The following RLF variants were observed in gnomAD, a reference collection of about 807,000 sequenced individuals.
The protein encoded by RLF is zinc finger protein Rlf.
RLF carries 7 observed loss-of-function variants against 162.9 expected under a neutral mutation model. That is an observed-to-expected ratio of 0.04 (90% CI 0.02 to 0.08). The LOEUF (loss-of-function observed/expected upper bound fraction) is 0.08. Ranked by LOEUF, RLF falls within the 10% of genes least tolerant of loss-of-function variation. RLF has a pLI of 1.00. For missense variants in RLF, 1,664 were observed against 2,244.7 expected (o/e 0.74, Z 5.23); for synonymous variants, 782 against 791.5 (o/e 0.99, Z 0.20).
At chr1:40,233,951 A>G (rs922911833) in intron 7 of RLF, among the ~76,000 whole-genome samples, 5 of 151,990 alleles carry the variant, frequency 3.3e-5, no homozygotes, top group African/African-American at 9.7e-5. Flanking sequence ...TTCAGGCCAA[A>G]TATCTTCTTT....
chr1:40,163,033 AATG>A (rs1162638298), intron 1 of RLF, among the ~76,000 whole-genome samples: 1 of 152,212 alleles, frequency 6.6e-6, no homozygotes, highest in African/African-American at 2.4e-5. Flanking sequence ...CGGTTTTGGT[AATG>A]ATGGAAAAGG....
chr1:40,204,294 C>T (rs1045574685), intron 5 of RLF, among the ~76,000 whole-genome samples: 9 of 151,608 alleles, frequency 5.9e-5, no homozygotes, highest in African/African-American at 1.9e-4. Context: ...GGATTACAGG[C>T]GTGAGCCACT....
Position 40,239,601 on chromosome 1 carries a change from T to A in RLF, c.4899T>A (p.Ser1633Arg). Reference protein sequence around the residue: ...TEHSHSPGDSSAPIQNTDCCH... With the variant: ...TEHSHSPGDSRAPIQNTDCCH... ...ACAGCCATTCCCCGGGTGACAGTAG[T>A]GCACCCATCCAGAACACTGATTGCT... Residue 1633 changes from serine to arginine, a missense_variant, in exon 8 of 8, where the codon AGT (serine) becomes AGA (arginine). Coordinates refer to ENST00000372771, the MANE Select transcript of RLF (RefSeq NM_012421.4). 6.2e-7 allele frequency: 1 copy of A among 1,614,128 alleles called. No homozygotes were observed. Among genetic ancestry groups the A allele is most frequent in the Non-Finnish European group, 8.5e-7 (1 of 1,180,004 alleles).
At chr1:40,224,250 C>T (rs922185185) in intron 6 of RLF, among the ~76,000 whole-genome samples, 6 of 149,450 alleles carry the variant, frequency 4.0e-5, no homozygotes, top group African/African-American at 2.5e-5. Flanking sequence ...AAATCTTAGT[C>T]ATTTCACACT....
intron 7 of RLF, among the ~76,000 whole-genome samples, chr1:40,232,065 G>T (rs879563213): frequency 6.6e-6 from 1 of 151,918 alleles, no homozygotes; most frequent in Admixed American, 6.6e-5. Context: ...AAAATTAGCC[G>T]GGCATGGTGG....
In RLF at chr1:40,161,597, G is replaced by T. The variant is rs1185837932; in HGVS notation, c.198G>T (p.Ser66=). ...LETELREQEV[S]EVSSLNYCRS... The stretch of plus-strand genomic sequence containing the variant: ...CAGAGCTGAGGGAGCAAGAGGTGTC[G>T]GAGGTCTCATCTTTGAACTACTGCC... The change falls in exon 1 of 8, where the codon TCG becomes TCT. Residue 66 remains serine, a synonymous_variant. Transcript: ENST00000372771. This position sits in a 1 kb window ranked among gnomAD's most constrained non-coding sequence, Gnocchi z 4.4. 1 of 1,613,212 alleles carries T rather than the reference G, an allele frequency of 6.2e-7. No individual in the cohort carries two copies. Among genetic ancestry groups the T allele is most frequent in the South Asian group, 1.1e-5 (1 of 90,934 alleles).
At chr1:40,205,037 T>C (rs1393071695) in intron 5 of RLF, among the ~76,000 whole-genome samples, 1 of 152,246 alleles carries the variant, frequency 6.6e-6, no homozygotes, top group Non-Finnish European at 1.5e-5. Context: ...CAATTGATGT[T>C]GTCTCCCTTA....
intron 5 of RLF, among the ~76,000 whole-genome samples, chr1:40,205,838 G>C (rs11590401): frequency 0.052 from 7,893 of 152,178 alleles, 277 homozygotes; most frequent in Non-Finnish European, 0.081. Flanking sequence ...GCCCCTGGCA[G>C]TATACCATAT....
chr1:40,208,021 A>G (rs573771491), intron 5 of RLF, among the ~76,000 whole-genome samples: 23 of 152,200 alleles, frequency 1.5e-4, no homozygotes, highest in Non-Finnish European at 2.8e-4. Flanking sequence ...TTGCATTTCT[A>G]TCAACTAACG....
intron 6 of RLF, among the ~76,000 whole-genome samples, chr1:40,228,613 A>T (rs1256445763): frequency 6.6e-6 from 1 of 151,812 alleles, no homozygotes; most frequent in African/African-American, 2.4e-5. Flanking sequence ...GAGACACCTT[A>T]GTTCTCAACC....
intron 5 of RLF, among the ~76,000 whole-genome samples, chr1:40,209,633 T>G (rs1642841577): frequency 6.6e-6 from 1 of 152,048 alleles, no homozygotes. Flanking sequence ...ATCCCAACAC[T>G]TTGGGAGGCC....
At chr1:40,164,327 C>T (rs769882659) in intron 1 of RLF, among the ~76,000 whole-genome samples, 1 of 152,148 alleles carries the variant, frequency 6.6e-6, no homozygotes, top group African/African-American at 2.4e-5. Context: ...AGAAATGGCT[C>T]TATCTTTGGG....
intron 5 of RLF, among the ~76,000 whole-genome samples, chr1:40,212,703 A>G (rs1642879135): frequency 6.6e-6 from 1 of 152,190 alleles, no homozygotes; most frequent in Non-Finnish European, 1.5e-5. Context: ...TGATAGACAC[A>G]ATAGCAGATG....
At chr1:40,216,747 A>G (rs1187679138) in intron 5 of RLF, among the ~76,000 whole-genome samples, 3 of 152,144 alleles carry the variant, frequency 2.0e-5, no homozygotes, top group African/African-American at 7.2e-5. Context: ...AAACAAAGGC[A>G]TCCTAAGAAA....
At chr1:40,211,851 C>T (rs1035091106) in intron 5 of RLF, among the ~76,000 whole-genome samples, 5 of 152,316 alleles carry the variant, frequency 3.3e-5, no homozygotes, top group Middle Eastern at 3.4e-3. Context: ...TGGTCTCAAA[C>T]TCCTGACCTC....
At chr1:40,196,131 A>G (rs1020471658) in intron 4 of RLF, among the ~76,000 whole-genome samples, 3 of 149,358 alleles carry the variant, frequency 2.0e-5, no homozygotes, top group East Asian at 2.0e-4. Context: ...GCTGGAGTGC[A>G]GTGGCAGGAT....
chr1:40,167,687 C>T (rs969366901), intron 1 of RLF, among the ~76,000 whole-genome samples: 5 of 151,502 alleles, frequency 3.3e-5, no homozygotes, highest in Non-Finnish European at 7.4e-5. Flanking sequence ...TATTGCCTTT[C>T]ACCTCTTTAA....
chr1:40,195,448 TTAA>T (rs1642622080), intron 3 of RLF, among the ~76,000 whole-genome samples, 181 bp from the exon 4 acceptor site: 1 of 151,000 alleles, frequency 6.6e-6, no homozygotes, highest in Non-Finnish European at 1.5e-5. Context: ...GATTCTGTCT[TTAA>T]AAAAAAAAAA....
chr1:40,163,150 G>A (rs7529068), intron 1 of RLF, among the ~76,000 whole-genome samples: 7,941 of 152,238 alleles, frequency 0.052, 606 homozygotes, highest in African/African-American at 0.17. Flanking sequence ...ATAAATTGTA[G>A]TATGTGCTTA....
Sources: allele counts gnomAD v4.1 joint callset (sites outside exome capture counted in the v4.1 genomes callset), GRCh38; gene constraint gnomAD v4.1.1; non-coding constraint Gnocchi (gnomAD v3.1); transcripts MANE v1.5; gene names NCBI Gene and HGNC (gene_info 2026-07-23, HGNC 2026-07-21).